Variants in ANAPC16 observed in about 807,000 individuals in gnomAD.
The protein encoded by ANAPC16 is anaphase promoting complex subunit 16.
In ANAPC16, 6 loss-of-function variants were observed where a neutral mutation model predicts 13.1. That is an observed-to-expected ratio of 0.46 (90% CI 0.25 to 0.90). The LOEUF (loss-of-function observed/expected upper bound fraction) is 0.90, where lower values mean the gene tolerates loss of function less well. Ranked by LOEUF, ANAPC16 falls within the 40% of genes least tolerant of loss-of-function variation. The probability of loss-of-function intolerance (pLI) is 0.18; values close to 1 mark genes in which losing one functional copy is unlikely to be tolerated. For synonymous variants in ANAPC16, 55 were observed against 51.3 expected (o/e 1.07, Z -0.31); for missense variants, 113 against 131.1 (o/e 0.86, Z 0.67).
chr10:72,219,565 C>T (rs1239210974), intron 1 of ANAPC16, among the ~76,000 whole-genome samples: 1 of 151,998 alleles, frequency 6.6e-6, no homozygotes, highest in Non-Finnish European at 1.5e-5. Flanking sequence ...GTGAGACTTC[C>T]TCTCTACAAA....
chr10:72,225,928 G>A (rs1415031764), intron 2 of ANAPC16, among the ~76,000 whole-genome samples: 1 of 151,454 alleles, frequency 6.6e-6, no homozygotes, highest in Non-Finnish European at 1.5e-5. Flanking sequence ...AAAAGCTTTG[G>A]GGAATAACCT....
chr10:72,232,994 C>G lies in ANAPC16; in HGVS notation c.218-7C>G, dbSNP rs376962158. 1 of 1,612,704 alleles carries G rather than the reference C, an allele frequency of 6.2e-7. No individual in the cohort carries two copies. Among genetic ancestry groups the G allele is most frequent in the Non-Finnish European group, 8.5e-7 (1 of 1,178,852 alleles). On this transcript the variant is annotated splice_region_variant and splice_polypyrimidine_tract_variant and intron_variant, in intron 3 of 3. Coordinates refer to ENST00000299381, the MANE Select transcript of ANAPC16 (RefSeq NM_173473.4). The stretch of plus-strand genomic sequence containing the variant: ...TTGCATAATATTCTTTCCTTGACTC[C>G]TTACAGATCAGCAAGTTGCTCGGAT...
chr10:72,217,241 G>T lies in ANAPC16; in HGVS notation c.-28+1103G>T, dbSNP rs536647234. The T allele has an allele frequency of 1.6e-4, 55 of 354,352 alleles. 1 individual carries two copies. Among genetic ancestry groups the T allele is most frequent in the Non-Finnish European group, 2.5e-4 (44 of 179,274 alleles). 22.0% of individuals were successfully genotyped at this position (354,352 alleles called of 1,614,324 possible). On this transcript the variant is annotated intron_variant, in intron 1 of 3. Transcript: ENST00000299381. ...TGTAATCCTAGCACTTTGGGAGGCC[G>T]AGGCGGGCGGATCACGAGGTCAGGA...
intron 1 of ANAPC16, among the ~76,000 whole-genome samples, chr10:72,218,143 CTCAAA>C (rs1352303221): frequency 3.3e-5 from 2 of 60,572 alleles, no homozygotes; most frequent in African/African-American, 2.9e-4. Flanking sequence ...GAAACTCTGT[CTCAAA>C]AAAAAAAAAA....
rs1860384428 is a variant in ANAPC16, at chr10:72,233,346, C to CA, written c.*232dup. 2.3e-6 allele frequency: 1 copy of CA among 444,112 alleles called. No individual in the cohort carries two copies. The highest frequency in any genetic ancestry group is 4.1e-6 in the Non-Finnish European group (1 of 244,100). The allele number at this position is 444,112 out of a possible 1,614,324, so 27.5% of individuals were successfully genotyped here. A position where few individuals can be genotyped will look rare whatever the true frequency, so the allele number is the denominator to read the frequency against. On this transcript the variant is annotated 3_prime_UTR_variant, in exon 4 of 4. Coordinates refer to ENST00000299381, the MANE Select transcript of ANAPC16 (RefSeq NM_173473.4). ...AAAAGTATTGGGAATCAGATTAAGA[C>CA]AATCAGTTTCAGAGAACCAGGAGGT... is the stretch of plus-strand genomic sequence containing the variant.
chr10:72,226,287 A>G (rs1257584080), intron 2 of ANAPC16, among the ~76,000 whole-genome samples: 3 of 152,072 alleles, frequency 2.0e-5, no homozygotes, highest in Non-Finnish European at 2.9e-5. Flanking sequence ...CCAAAGTGCT[A>G]TGATTACAGG....
At position 72,234,978 on chromosome 10, in the gene ANAPC16, C is replaced by CA; in HGVS notation, c.*1863dup. On this transcript the variant is annotated 3_prime_UTR_variant, in exon 4 of 4. Transcript: ENST00000299381. ...CCAGTCTGGCCGACATGGTGAAACT[C>CA]AGTCTCTATTGAAAATACAAAAATT... 6.6e-6 allele frequency: 1 copy of CA among 151,992 alleles called. No homozygotes were observed. Among genetic ancestry groups the CA allele is most frequent in the South Asian group, 2.1e-4 (1 of 4,810 alleles). The allele number at this position is 151,992 out of a possible 1,614,324, so 9.4% of individuals were successfully genotyped here.
intron 1 of ANAPC16, among the ~76,000 whole-genome samples, chr10:72,221,608 A>C (rs1589709125): frequency 7.2e-6 from 1 of 139,036 alleles, no homozygotes; most frequent in South Asian, 2.2e-4. Flanking sequence ...ACTGGAGTGC[A>C]ATGGAATGAT....
chr10:72,230,250 C>G (rs769867459), intron 2 of ANAPC16, 116 bp from the exon 3 acceptor site: 31 of 706,684 alleles, frequency 4.4e-5, no homozygotes, highest in Non-Finnish European at 7.0e-5. Flanking sequence ...TTTGTAAACA[C>G]TGAGAACTAG....
In ANAPC16 at chr10:72,235,458, A is replaced by G. The variant is rs1291082737; in HGVS notation, c.*2342A>G. ...CAAGAGCGAAACTGTCTCAAAAAAA[A>G]GAAGAAAATAAATAAATAAAAATCA... On this transcript the variant is annotated 3_prime_UTR_variant, in exon 4 of 4. Coordinates refer to ENST00000299381, the MANE Select transcript of ANAPC16 (RefSeq NM_173473.4). The G allele has an allele frequency of 2.0e-5, 3 of 152,226 alleles. No individual in the cohort carries two copies. In the East Asian group the frequency reaches 5.8e-4, roughly 29 times the overall value. The allele number at this position is 152,226 out of a possible 1,614,324, so 9.4% of individuals were successfully genotyped here.
chr10:72,224,728 T>C (rs368014133), intron 2 of ANAPC16, among the ~76,000 whole-genome samples: 19 of 152,248 alleles, frequency 1.2e-4, no homozygotes, highest in African/African-American at 4.3e-4. Context: ...TTTGATGTAT[T>C]TTTTTCTAGG....
intron 1 of ANAPC16, among the ~76,000 whole-genome samples, chr10:72,218,384 C>G (rs974031028): frequency 1.3e-5 from 2 of 151,514 alleles, no homozygotes; most frequent in African/African-American, 2.4e-5. Context: ...AGTAGCAAAA[C>G]CAGAACTCAG....
chr10:72,225,521 G>A (rs531828772), intron 2 of ANAPC16, among the ~76,000 whole-genome samples: 29 of 148,510 alleles, frequency 2.0e-4, no homozygotes, highest in Non-Finnish European at 3.9e-4. Flanking sequence ...GTTCAAGGTT[G>A]CATTGAGCCA....
intron 1 of ANAPC16, among the ~76,000 whole-genome samples, chr10:72,217,472 C>CAAA (rs11393524): frequency 5.9e-5 from 5 of 84,548 alleles, no homozygotes; most frequent in East Asian, 3.3e-4. Context: ...GAATCCGTCT[C>CAAA]AAAAAAAAAA....
At chr10:72,218,160 AAAAAAATATATATATATAT>A (rs1249554327) in intron 1 of ANAPC16, among the ~76,000 whole-genome samples, 51 of 39,098 alleles carry the variant, frequency 1.3e-3, no homozygotes, top group South Asian at 4.2e-3. Flanking sequence ...AAAAAAAAAA[AAAAAAATATATATATATAT>A]ATATATATAT....
At chr10:72,232,887 A>T in intron 3 of ANAPC16, 114 bp from the exon 4 acceptor site, 1 of 826,824 alleles carries the variant, frequency 1.2e-6, no homozygotes, top group African/African-American at 1.7e-5. Context: ...TATAGGCGTG[A>T]TCCACCACAC....
chr10:72,233,198 A>T lies in ANAPC16; in HGVS notation c.*82A>T. 1 of 1,024,402 alleles carries T rather than the reference A, an allele frequency of 9.8e-7. No homozygotes were observed. Among genetic ancestry groups the T allele is most frequent in the Non-Finnish European group, 1.5e-6 (1 of 665,516 alleles). The allele number at this position is 1,024,402 out of a possible 1,614,324, so 63.5% of individuals were successfully genotyped here. ...TCTCACAGCTTACATAGCCATCCAG[A>T]GATCCACAGCTACGTCACTGAATTG... On this transcript the variant is annotated 3_prime_UTR_variant, in exon 4 of 4. Transcript: ENST00000299381.
Position 72,234,792 on chromosome 10 carries a change from A to G in ANAPC16, c.*1676A>G, listed in dbSNP as rs1860424496. On this transcript the variant is annotated 3_prime_UTR_variant, in exon 4 of 4. Coordinates refer to ENST00000299381, the MANE Select transcript of ANAPC16 (RefSeq NM_173473.4). ...CTGCTCATGGTCACATAGCCCAGGC[A>G]GAAGAAAATCTCGGACTTGGAATAG... 1 of 152,214 alleles carries G rather than the reference A, an allele frequency of 6.6e-6. No homozygotes were observed. The highest frequency in any genetic ancestry group is 6.5e-5 in the Admixed American group (1 of 15,268). 9.4% of individuals were successfully genotyped at this position (152,214 alleles called of 1,614,324 possible).
chr10:72,218,692 C>G (rs1859773355), intron 1 of ANAPC16, among the ~76,000 whole-genome samples: 1 of 152,184 alleles, frequency 6.6e-6, no homozygotes, highest in Non-Finnish European at 1.5e-5. Flanking sequence ...GCCCTGAGAG[C>G]AGTTACCATC....
Sources: allele counts gnomAD v4.1 joint callset (sites outside exome capture counted in the v4.1 genomes callset), GRCh38; gene constraint gnomAD v4.1.1; transcripts MANE v1.5; gene names NCBI Gene and HGNC (gene_info 2026-07-23, HGNC 2026-07-21).